TNC: variants seen among roughly 807,000 people sequenced by gnomAD.
TNC encodes the protein tenascin C, also known as tenascin.
A neutral mutation model predicts 202.4 loss-of-function variants in TNC; 109 were observed. That is an observed-to-expected ratio of 0.54 (90% CI 0.46 to 0.63). The LOEUF (loss-of-function observed/expected upper bound fraction) is 0.63. Ranked by LOEUF, TNC falls within the 30% of genes least tolerant of loss-of-function variation. The pLI is 0.00. For synonymous variants in TNC, 1,007 were observed against 1,089.7 expected (o/e 0.92, Z 1.50); for missense variants, 2,756 against 2,833.3 (o/e 0.97, Z 0.62).
chr9:115,053,671 C>A (rs1400008803), intron 15 of TNC, among the ~76,000 whole-genome samples: 1 of 152,090 alleles, frequency 6.6e-6, no homozygotes, highest in Non-Finnish European at 1.5e-5. Flanking sequence ...ATTTAGTATT[C>A]TTTTTTAGTA....
At position 115,073,764 on chromosome 9, in the gene TNC, T is replaced by C. The variant is rs61729548; in HGVS notation, c.3053A>G (p.Asn1018Ser). The change falls in exon 10 of 28, where the codon AAT becomes AGT. Residue 1018 changes from asparagine (N) to serine (S), a missense_variant. Transcript: ENST00000350763. ...CCACTGGCCTGTGGGGAGACTGTAA[T>C]TGAGGCGGTAGCGGTCAAATTTGGC... ...PLAKFDRYRL[N>S]YSLPTGQWVG... The C allele has an allele frequency of 4.3e-6, 7 of 1,614,034 alleles. No individual in the cohort carries two copies. The highest frequency in any genetic ancestry group is 2.2e-5 in the South Asian group (2 of 91,090).
At chr9:115,085,678 T>A (rs547798177) in intron 3 of TNC, among the ~76,000 whole-genome samples, 186 bp downstream of exon 3, 41 of 152,338 alleles carry the variant, frequency 2.7e-4, no homozygotes, top group Admixed American at 5.9e-4. Context: ...ATAGGTCACC[T>A]TGTAACAACG....
At chr9:115,082,133 AC>A (rs1210846758) in intron 5 of TNC, among the ~76,000 whole-genome samples, 1 of 152,180 alleles carries the variant, frequency 6.6e-6, no homozygotes, top group African/African-American at 2.4e-5. Context: ...CCATTCGTAA[AC>A]TTTTACCCCT....
chr9:115,098,296 T>C (rs1251141603), intron 1 of TNC, among the ~76,000 whole-genome samples: 1 of 152,256 alleles, frequency 6.6e-6, no homozygotes, highest in Non-Finnish European at 1.5e-5. Flanking sequence ...CCAGTCGTAA[T>C]GGCTTTTTAG....
chr9:115,084,592 C>G (rs1834567096), intron 3 of TNC, 120 bp from the exon 4 acceptor site: 2 of 1,244,426 alleles, frequency 1.6e-6, no homozygotes, highest in Admixed American at 5.1e-5. Context: ...TCTGTTGCCT[C>G]TAAAATGCAG....
chr9:115,112,708 G>C (rs1259893712), intron 1 of TNC: 1 of 152,468 alleles, frequency 6.6e-6, no homozygotes, highest in East Asian at 1.9e-4. Context: ...TGCTAATGGT[G>C]CGTCTGCCCA....
chr9:115,081,846 T>C lies in TNC; in HGVS notation c.2330A>G (p.Gln777Arg). The change falls in exon 6 of 28, where the codon CAA (glutamine) becomes CGA (arginine). Residue 777 changes from glutamine to arginine, a missense_variant. Gln to Arg is a conservative substitution (Grantham distance 43). Transcript: ENST00000350763. ...SYRQTGLAPG[Q>R]EYEISLHIVK... ...TATGTGCAGAGATATCTCATACTCT[T>C]GCCCAGGAGCTAGACCAGTTTGCCG... 1 of 1,608,630 alleles carries C rather than the reference T, an allele frequency of 6.2e-7. No individual in the cohort carries two copies. Among genetic ancestry groups the C allele is most frequent in the Non-Finnish European group, 8.5e-7 (1 of 1,178,610 alleles).
chr9:115,022,156 A>G (rs891120829), intron 27 of TNC, among the ~76,000 whole-genome samples: 1 of 152,214 alleles, frequency 6.6e-6, no homozygotes, highest in Admixed American at 6.5e-5. Context: ...GTGAGATGGG[A>G]AAAAAATAGA....
Position 115,063,988 on chromosome 9 carries a change from C to T in TNC, c.3568G>A (p.Gly1190Arg). The change falls in exon 12 of 28, where the codon GGG becomes AGG. Residue 1190 changes from glycine to arginine, a missense_variant. Physicochemically the swap from Gly to Arg is moderately radical, Grantham distance 125 (BLOSUM62 -2). This residue lies in a region of TNC where 2,559 missense variants were observed against 2,546.0 expected (regional missense o/e 1.01). Transcript: ENST00000350763. ...ALKLNWTAPE[G>R]AYEYFFIQVQ... ...TGAATGAAAAAGTACTCATAGGCCC[C>T]TTCTGGAGCAGTCCAGTTGAGTTTG... 2 of 1,613,452 alleles carry T rather than the reference C, an allele frequency of 1.2e-6. No individual in the cohort carries two copies. The highest frequency in any genetic ancestry group is 1.7e-6 in the Non-Finnish European group (2 of 1,179,632).
Position 115,094,206 on chromosome 9 carries a change from G to A in TNC, c.-136-3052C>T, listed in dbSNP as rs555534732. Among the ~76,000 whole-genome samples, 74 of 152,048 alleles carry A rather than the reference G, an allele frequency of 4.9e-4. 1 individual carries two copies. The highest frequency in any genetic ancestry group is 8.5e-4 in the Non-Finnish European group (58 of 68,014). Reference sequence around the variant, plus strand: ...TAAACAGTAGTTCCTATTTTGTTGCGCTCCTGGGGAACAAAACCTAACAAG... The same window carrying A: ...TAAACAGTAGTTCCTATTTTGTTGCACTCCTGGGGAACAAAACCTAACAAG... On this transcript the variant is annotated intron_variant, in intron 1 of 27. Transcript: ENST00000350763.
rs1402322567 is a variant in TNC at position 115,077,981 on chromosome 9, T to C, written c.2636A>G (p.Asp879Gly). 6.2e-7 allele frequency: 1 copy of C among 1,614,236 alleles called. No individual in the cohort carries two copies. Among genetic ancestry groups the C allele is most frequent in the East Asian group, 2.2e-5 (1 of 44,894 alleles). Reference sequence around the variant, plus strand: ...CTCTTTGGCTGGGTTGCTTGACATGTCACCTCTGCGGGAGATGAGGGACAC... The same window carrying C: ...CTCTTTGGCTGGGTTGCTTGACATGCCACCTCTGCGGGAGATGAGGGACAC... ...YEVSLISRRGDMSSNPAKETF... is the reference protein window; with the variant it reads ...YEVSLISRRGGMSSNPAKETF... Residue 879 changes from aspartate (D) to glycine (G), a missense_variant, in exon 7 of 28, where the codon GAC becomes GGC. Around this residue, in one of 2 missense-constraint regions of TNC, gnomAD observed 2,559 missense variants for 2,546.0 expected, o/e 1.01. Transcript: ENST00000350763.
chr9:115,048,119 G>A, intron 16 of TNC, 141 bp downstream of exon 16: 1 of 1,039,712 alleles, frequency 9.6e-7, no homozygotes. Context: ...GGGAGTGTGG[G>A]GAGAAGGTGA....
At position 115,035,115 on chromosome 9, in the gene TNC, G is replaced by A. The variant is rs1330361; in HGVS notation, c.5787+89C>T. ...TCAGCTCCCCAGATGCACTGGGGTA[G>A]AAAAACAGCATCAGGTAATTCTTCC... On this transcript the variant is annotated intron_variant, in intron 22 of 27. Coordinates refer to ENST00000350763, the MANE Select transcript of TNC (RefSeq NM_002160.4). 0.14 allele frequency: 201,073 copies of A among 1,444,066 alleles called. 14,880 individuals carry two copies. The highest frequency in any genetic ancestry group is 0.23 in the Middle Eastern group (1,079 of 4,706). 89.5% of individuals were successfully genotyped at this position (1,444,066 alleles called of 1,614,324 possible).
chr9:115,089,792 G>T (rs929614751), intron 2 of TNC, among the ~76,000 whole-genome samples: 2 of 152,172 alleles, frequency 1.3e-5, no homozygotes, highest in African/African-American at 2.4e-5. Context: ...GAACCACTGC[G>T]CCTAGCCAAA....
intron 2 of TNC, among the ~76,000 whole-genome samples, chr9:115,087,527 GGTGTGTGTGTGTGTGTGT>G (rs57327715): frequency 1.5e-4 from 23 of 148,844 alleles, no homozygotes; most frequent in Middle Eastern, 3.5e-3. Context: ...TATGCATAGG[GGTGTGTGTGTGTGTGTGT>G]GTGTGTGTGT....
intron 1 of TNC, among the ~76,000 whole-genome samples, chr9:115,100,344 C>T (rs957134551): frequency 3.3e-5 from 5 of 152,142 alleles, no homozygotes; most frequent in African/African-American, 4.8e-5. Flanking sequence ...CACAGCTAAT[C>T]GATAACAACA....
At chr9:115,056,255 A>G (rs1832111891) in intron 15 of TNC, among the ~76,000 whole-genome samples, 1 of 151,230 alleles carries the variant, frequency 6.6e-6, no homozygotes, top group Admixed American at 6.6e-5. Flanking sequence ...TGTTCTGTAG[A>G]TATTGTTTCT....
rs1834831874 is a variant in TNC at position 115,087,213 on chromosome 9, C to G, written c.518G>C (p.Gly173Ala). 1 of 1,614,246 alleles carries G rather than the reference C, an allele frequency of 6.2e-7. No homozygotes were observed. Among genetic ancestry groups the G allele is most frequent in the Non-Finnish European group, 8.5e-7 (1 of 1,180,048 alleles). Residue 173 changes from glycine (G) to alanine (A), a missense_variant, in exon 3 of 28, where the codon GGC becomes GCC. Transcript: ENST00000350763. Reference sequence around the variant, plus strand: ...TTTCCAGCCAGGTTCGCAGACACAGCCACATCCTTCAGTGCTGAAGTTGCC... The same window carrying G: ...TTTCCAGCCAGGTTCGCAGACACAGGCACATCCTTCAGTGCTGAAGTTGCC... Reference protein sequence around the residue: ...GRGNFSTEGCGCVCEPGWKGP... With the variant: ...GRGNFSTEGCACVCEPGWKGP...
At chr9:115,110,610 A>T (rs1441667101) in intron 1 of TNC, among the ~76,000 whole-genome samples, 1 of 152,186 alleles carries the variant, frequency 6.6e-6, no homozygotes, top group East Asian at 1.9e-4. Context: ...AAAAGAATTA[A>T]TCGAAGATGT....
Sources: gnomAD v4.1 joint callset for allele counts (sites outside exome capture counted in the v4.1 genomes callset) on GRCh38, gnomAD v4.1.1 for gene constraint, gnomAD v4.1.1 regional missense constraint, MANE v1.5 for transcripts, NCBI Gene and HGNC (gene_info 2026-07-23, HGNC 2026-07-21) for gene names.